Variants in KLF8 observed in about 807,000 individuals in gnomAD.
The protein encoded by KLF8 is Krueppel-like factor 8.
In KLF8, 10 loss-of-function variants were observed where a neutral mutation model predicts 18.2. The ratio of observed to expected loss-of-function variants is 0.55; its 90% confidence interval spans 0.34 to 0.93. The LOEUF (loss-of-function observed/expected upper bound fraction) is 0.93, where lower values mean the gene tolerates loss of function less well. KLF8 is among the 40% of genes least tolerant of loss of function. The pLI, the probability that KLF8 is intolerant of heterozygous loss-of-function variation, is 0.02. For synonymous variants in KLF8, 109 were observed against 97.3 expected (o/e 1.12, Z -0.71); for missense variants, 264 against 277.9 (o/e 0.95, Z 0.36).
chrX:56,097,122 G>C, the KLF8 span, among the ~76,000 whole-genome samples: 1 of 111,602 alleles, frequency 9.0e-6, no homozygotes, highest in African/African-American at 3.2e-5. Flanking sequence ...CTGTGATTAA[G>C]TTCAGGTGTG....
the KLF8 span, among the ~76,000 whole-genome samples, chrX:56,169,904 C>A: frequency 9.0e-6 from 1 of 111,319 alleles, no homozygotes; most frequent in African/African-American, 3.3e-5. Flanking sequence ...GTTGTACTGA[C>A]TTAAGGTCTG....
intron 2 of KLF8, among the ~76,000 whole-genome samples, chrX:56,259,569 A>G (rs2066856077): frequency 1.8e-5 from 2 of 109,535 alleles, no homozygotes; most frequent in Admixed American, 2.0e-4. Context: ...TACATAGAAA[A>G]CCCCAACTGT....
chrX:55,946,437 G>A, the KLF8 span, among the ~76,000 whole-genome samples: 10 of 111,461 alleles, frequency 9.0e-5, no homozygotes, highest in African/African-American at 2.6e-4. Flanking sequence ...AGCCATATGT[G>A]GAAAGCTGAA....
the KLF8 span, among the ~76,000 whole-genome samples, chrX:56,126,140 A>G: frequency 8.9e-6 from 1 of 111,752 alleles, no homozygotes; most frequent in Non-Finnish European, 1.9e-5. Context: ...AGCATGACTC[A>G]GCGTTACAAT....
chrX:56,113,661 G>A, the KLF8 span, among the ~76,000 whole-genome samples: 2 of 105,239 alleles, frequency 1.9e-5, no homozygotes, highest in Non-Finnish European at 3.9e-5. Flanking sequence ...CACACACACT[G>A]CTAGTCAAGT....
chrX:56,153,149 T>A, the KLF8 span, among the ~76,000 whole-genome samples: 3 of 111,603 alleles, frequency 2.7e-5, no homozygotes, highest in Non-Finnish European at 5.6e-5. Flanking sequence ...TATATTAATA[T>A]AAATAGCATA....
the KLF8 span, among the ~76,000 whole-genome samples, chrX:56,152,208 T>G: frequency 8.9e-6 from 1 of 111,817 alleles, no homozygotes; most frequent in African/African-American, 3.2e-5. Context: ...TTCAACAAGG[T>G]GCTGAACCTC....
At chrX:56,035,347 T>C in the KLF8 span, among the ~76,000 whole-genome samples, 1 of 112,321 alleles carries the variant, frequency 8.9e-6, no homozygotes, top group African/African-American at 3.2e-5. Context: ...ATATACCACA[T>C]TTTCTTTATG....
chrX:56,251,574 T>C (rs2066712803), intron 2 of KLF8, among the ~76,000 whole-genome samples: 1 of 111,010 alleles, frequency 9.0e-6, no homozygotes, highest in Non-Finnish European at 1.9e-5. Flanking sequence ...GCTATTCTTC[T>C]GCCTCAGCCT....
At chrX:56,050,867 G>T in the KLF8 span, among the ~76,000 whole-genome samples, 1 of 109,395 alleles carries the variant, frequency 9.1e-6, no homozygotes, top group Non-Finnish European at 1.9e-5. Context: ...TGACAGTGGG[G>T]TGTTAAAGTC....
chrX:56,185,515 T>C, the KLF8 span, among the ~76,000 whole-genome samples: 3 of 110,650 alleles, frequency 2.7e-5, no homozygotes, highest in Admixed American at 9.7e-5. Flanking sequence ...ATTCAGGAAA[T>C]ACAGAGAACA....
the KLF8 span, among the ~76,000 whole-genome samples, chrX:55,980,878 C>T: frequency 3.6e-5 from 4 of 112,202 alleles, no homozygotes; most frequent in East Asian, 5.6e-4. Flanking sequence ...CTCCTTTTAC[C>T]GTTTGAAGTC....
At chrX:56,206,400 T>C in the KLF8 span, among the ~76,000 whole-genome samples, 1 of 112,016 alleles carries the variant, frequency 8.9e-6, no homozygotes, top group Non-Finnish European at 1.9e-5. Context: ...CAAAAGCTAG[T>C]TAGTTACTTC....
the KLF8 span, among the ~76,000 whole-genome samples, chrX:55,931,752 C>T: frequency 0.22 from 24,262 of 110,878 alleles, 5,430 homozygotes; most frequent in African/African-American, 0.69. Context: ...TGATTTCTGT[C>T]CTTTTGCATT....
chrX:56,279,023 G>A (rs758611650), intron 5 of KLF8, among the ~76,000 whole-genome samples: 3 of 111,689 alleles, frequency 2.7e-5, no homozygotes, highest in Non-Finnish European at 5.6e-5. Context: ...CACCATGTAG[G>A]CACTGCAGAA....
At chrX:55,990,653 G>T in the KLF8 span, among the ~76,000 whole-genome samples, 6 of 111,789 alleles carry the variant, frequency 5.4e-5, no homozygotes, top group African/African-American at 1.6e-4. Context: ...GGTCTTTGAT[G>T]ATGGTGACAT....
At chrX:56,046,590 C>T in the KLF8 span, among the ~76,000 whole-genome samples, 19 of 84,184 alleles carry the variant, frequency 2.3e-4, no homozygotes, top group South Asian at 7.3e-4. Flanking sequence ...CGTATTCTCT[C>T]AGCATTTGTT....
chrX:56,197,781 CA>C, the KLF8 span, among the ~76,000 whole-genome samples: 1 of 110,471 alleles, frequency 9.1e-6, no homozygotes, highest in East Asian at 2.8e-4. Context: ...AGAGACACAA[CA>C]AAAAAAAGAG....
the KLF8 span, among the ~76,000 whole-genome samples, chrX:55,937,422 G>GA: frequency 9.0e-6 from 1 of 111,057 alleles, no homozygotes; most frequent in African/African-American, 3.3e-5. Context: ...CAAAGATGGG[G>GA]AAAAAACAGA....
Sources: gnomAD v4.1 joint callset for allele counts (sites outside exome capture counted in the v4.1 genomes callset) on GRCh38, gnomAD v4.1.1 for gene constraint, MANE v1.5 for transcripts, NCBI Gene and HGNC (gene_info 2026-07-23, HGNC 2026-07-21) for gene names.